Variants in DNAH5 observed in about 807,000 individuals in gnomAD.
DNAH5 encodes axonemal beta dynein heavy chain 5.
In DNAH5, 372 loss-of-function variants were observed where a neutral mutation model predicts 518.2. The ratio of observed to expected loss-of-function variants is 0.72; its 90% confidence interval spans 0.66 to 0.78. The LOEUF (loss-of-function observed/expected upper bound fraction) is 0.78, where lower values mean the gene tolerates loss of function less well. Among genes scored for constraint, DNAH5 ranks in the 30% least tolerant of loss-of-function variants. The pLI, the probability that DNAH5 is intolerant of heterozygous loss-of-function variation, is 0.00. For synonymous variants in DNAH5, 2,039 were observed against 2,025.9 expected, an observed-to-expected ratio of 1.01 and a Z score of -0.17; for missense variants, 5,523 against 5,687.0, an observed-to-expected ratio of 0.97 and a Z score of 0.93.
intron 1 of DNAH5, among the ~76,000 whole-genome samples, chr5:13,988,648 C>T (rs1783239835): frequency 6.6e-6 from 1 of 151,692 alleles, no homozygotes; most frequent in Non-Finnish European, 1.5e-5. Flanking sequence ...AAACTCCTGA[C>T]CTCAAGTGAT....
rs764262032 is a variant in DNAH5, at chr5:13,862,715, GTCTC to G, written c.4625_4628del (p.Arg1542ThrfsTer6). On this transcript the variant is annotated frameshift_variant, in exon 29 of 79. Transcript: ENST00000265104. LOFTEE classifies it high-confidence loss of function. ...TCACTTGCTTCAGCTTTTGCTCAAT[GTCTC>G]TCTCTTTCACCGCACTGATACAGAT... The G allele has an allele frequency of 1.9e-6, 3 of 1,613,834 alleles. No homozygotes were observed.
intron 31 of DNAH5, among the ~76,000 whole-genome samples, chr5:13,849,707 C>T (rs1344651239): frequency 1.3e-5 from 2 of 152,064 alleles, no homozygotes; most frequent in Admixed American, 1.3e-4. Context: ...TTCCAGCAGC[C>T]GTCTCAAATT....
chr5:13,830,922 C>T (rs1364354895), intron 35 of DNAH5, 147 bp from the exon 36 acceptor site: 6 of 747,138 alleles, frequency 8.0e-6, no homozygotes, highest in Non-Finnish European at 1.4e-5. Flanking sequence ...TCCTAAAACA[C>T]ACTTATCCTT....
chr5:13,783,124 G>C (rs925610632), intron 52 of DNAH5, among the ~76,000 whole-genome samples: 1 of 152,164 alleles, frequency 6.6e-6, no homozygotes, highest in Non-Finnish European at 1.5e-5. Flanking sequence ...TGGATGACTA[G>C]AAGTACATCA....
At chr5:13,955,694 G>A (rs1481990762) in intron 1 of DNAH5, among the ~76,000 whole-genome samples, 1 of 151,872 alleles carries the variant, frequency 6.6e-6, no homozygotes, top group East Asian at 1.9e-4. Flanking sequence ...ATCCTCATTT[G>A]GGAATTACTT....
chr5:13,923,634 G>A (rs1777540223), intron 3 of DNAH5, among the ~76,000 whole-genome samples, 194 bp from the exon 4 acceptor site: 1 of 152,156 alleles, frequency 6.6e-6, no homozygotes, highest in South Asian at 2.1e-4. Flanking sequence ...CCAGATCATA[G>A]GTTCACTTCA....
At position 13,900,367 on chromosome 5, in the gene DNAH5, C is replaced by G. The variant is rs776296737; in HGVS notation, c.2098G>C (p.Ala700Pro). Residue 700 changes from alanine to proline, a missense_variant, in exon 15 of 79, where the codon GCT (alanine) becomes CCT (proline). Physicochemically the swap from Ala to Pro is conservative, Grantham distance 27. This residue lies in a region of DNAH5 where 5,121 missense variants were observed against 5,223.3 expected (regional missense o/e 0.98). Transcript: ENST00000265104. ...VGLEASLLVK[A>P]PGTGELFVNF... is the part of the protein sequence containing the mutation. ...ACAAACAATTCCCCTGTGCCTGGAG[C>G]CTTCACCAATAATGAAGCCTCAAGA... The G allele has an allele frequency of 1.9e-6, 3 of 1,614,124 alleles. No homozygotes were observed. Among genetic ancestry groups the G allele is most frequent in the Middle Eastern group, 1.6e-4 (1 of 6,062 alleles).
Position 13,735,926 on chromosome 5 carries a change from G to C in DNAH5, c.11462C>G (p.Thr3821Arg), listed in dbSNP as rs374858945. 3.1e-6 allele frequency: 5 copies of C among 1,613,246 alleles called. No homozygotes were observed. Among genetic ancestry groups the C allele is most frequent in the Non-Finnish European group, 4.2e-6 (5 of 1,179,500 alleles). Residue 3821 changes from threonine to arginine, a missense_variant, in exon 67 of 79, where the codon ACG (threonine) becomes AGG (arginine). This residue lies in a region of DNAH5 where 5,121 missense variants were observed against 5,223.3 expected (regional missense o/e 0.98). Coordinates refer to ENST00000265104, the MANE Select transcript of DNAH5 (RefSeq NM_001369.3). Reference sequence around the variant, plus strand: ...GAGGAAGTAGAGGATGCTGCCCCGCGTAGCCACTGGAAGACAAAGAGCAAG... The same window carrying C: ...GAGGAAGTAGAGGATGCTGCCCCGCCTAGCCACTGGAAGACAAAGAGCAAG... ...SAREEYRPVA[T>R]RGSILYFLIT...
At chr5:13,842,469 AAGAAAGAAAGAAAG>A (rs1281457958) in intron 32 of DNAH5, among the ~76,000 whole-genome samples, 2 of 119,008 alleles carry the variant, frequency 1.7e-5, no homozygotes, top group African/African-American at 7.0e-5. Context: ...GAAAGAAAGA[AAGAAAGAAAGAAAG>A]AGAAAGAAAA....
chr5:13,806,701 TC>T (rs1234670898), intron 47 of DNAH5, among the ~76,000 whole-genome samples: 2 of 152,184 alleles, frequency 1.3e-5, no homozygotes, highest in Admixed American at 6.5e-5. Context: ...ATTTAGGATT[TC>T]CTCCTCAGTT....
At chr5:13,749,044 G>A (rs372531563) in intron 65 of DNAH5, among the ~76,000 whole-genome samples, 10 of 151,900 alleles carry the variant, frequency 6.6e-5, no homozygotes, top group African/African-American at 2.4e-4. Flanking sequence ...AGTGTTAGCA[G>A]ATTCAGGAAT....
rs1580909729 is a variant in DNAH5, at chr5:13,923,373, C to A, written c.345G>T (p.Val115=). 6.2e-7 allele frequency: 1 copy of A among 1,614,156 alleles called. No homozygotes were observed. Among genetic ancestry groups the A allele is most frequent in the East Asian group, 2.2e-5 (1 of 44,878 alleles). ...TAAGAGCCACATCGTTTCCCTCGGTCACGAACACCTTAGGTTTTTTAATCT... is the reference window on the plus strand; with the variant it reads ...TAAGAGCCACATCGTTTCCCTCGGTAACGAACACCTTAGGTTTTTTAATCT... ...SGKIKKPKVF[V]TEGNDVALTG... is the part of the protein sequence containing the mutation. The change falls in exon 4 of 79, where the codon GTG becomes GTT. Residue 115 remains valine (V), a synonymous_variant. Coordinates refer to ENST00000265104, the MANE Select transcript of DNAH5 (RefSeq NM_001369.3).
Position 13,727,648 on chromosome 5 carries a change from T to C in DNAH5, c.11892A>G (p.Arg3964=). 6.2e-7 allele frequency: 1 copy of C among 1,613,754 alleles called. No individual in the cohort carries two copies. The highest frequency in any genetic ancestry group is 1.3e-5 in the African/African-American group (1 of 75,030). ...ACCAAATTTTCCACATTTTCTCATTTCTCGATATCTGAAAATACCATGGGA... is the reference window on the plus strand; with the variant it reads ...ACCAAATTTTCCACATTTTCTCATTCCTCGATATCTGAAAATACCATGGGA... ...QFSDVLDQIS[R]NEKMWKIWFD... Residue 3964 remains arginine, a synonymous_variant, in exon 70 of 79, where the codon AGA becomes AGG. Transcript: ENST00000265104.
intron 31 of DNAH5, 66 bp downstream of exon 31, chr5:13,850,586 A>G: frequency 6.8e-7 from 1 of 1,465,888 alleles, no homozygotes; most frequent in Non-Finnish European, 9.6e-7. Flanking sequence ...GGCTAATGCT[A>G]TCTAGTCTCC....
At position 13,733,622 on chromosome 5, in the gene DNAH5, A is replaced by AAG. The variant is rs563877361; in HGVS notation, c.11761+1507_11761+1508dup. Among the ~76,000 whole-genome samples the AAG allele has an allele frequency of 2.2e-3, 341 of 152,344 alleles. 1 individual carries two copies. The highest frequency in any genetic ancestry group is 6.9e-3 in the African/African-American group (288 of 41,576). On this transcript the variant is annotated intron_variant, in intron 68 of 78. Transcript: ENST00000265104. Reference sequence around the variant, plus strand: ...AGTGTTTAATGGTTAGACACAATTAAAGAGAGAGAGATTGTCTATAATTTA... The same window carrying AAG: ...AGTGTTTAATGGTTAGACACAATTAAAGAGAGAGAGAGATTGTCTATAATTTA...
In DNAH5 at chr5:13,701,286, G is replaced by C. The variant is rs751897438; in HGVS notation, c.13489C>G (p.Gln4497Glu). The C allele has an allele frequency of 1.2e-6, 2 of 1,613,964 alleles. No homozygotes were observed. The highest frequency in any genetic ancestry group is 1.7e-6 in the Non-Finnish European group (2 of 1,179,948). Residue 4497 changes from glutamine (Q) to glutamate (E), a missense_variant and splice_region_variant, in exon 77 of 79, where the codon CAG (glutamine) becomes GAG (glutamate). By Grantham distance (29) the Gln-to-Glu change is conservative (BLOSUM62 2). This residue lies in a region of DNAH5 where 387 missense variants were observed against 430.0 expected (regional missense o/e 0.90). Coordinates refer to ENST00000265104, the MANE Select transcript of DNAH5 (RefSeq NM_001369.3). Reference protein sequence around the residue: ...NPQGFLTAMRQEITRANKGWA... With the variant: ...NPQGFLTAMREEITRANKGWA... ...CGGGTGCAAATCAGAGCTCTTACCT[G>C]TCGCATTGCAGTTAAAAATCCCTGG...
In DNAH5 at chr5:13,913,770, C is replaced by G. The variant is rs745901461; in HGVS notation, c.1509G>C (p.Gly503=). 1 of 1,613,494 alleles carries G rather than the reference C, an allele frequency of 6.2e-7. No individual in the cohort carries two copies. The highest frequency in any genetic ancestry group is 1.7e-4 in the Middle Eastern group (1 of 6,060). The change falls in exon 11 of 79, where the codon GGG becomes GGC. Residue 503 remains glycine, a synonymous_variant. Transcript: ENST00000265104. ...GGTATTTAGTGGCCATGTCTTCCAGCCCTTCAATTGTGGAATCTTGCAGGA... is the reference window on the plus strand; with the variant it reads ...GGTATTTAGTGGCCATGTCTTCCAGGCCTTCAATTGTGGAATCTTGCAGGA... ...YSVLQDSTIE[G]LEDMATKYQG...
At chr5:13,758,235 G>A (rs1502042) in intron 61 of DNAH5, among the ~76,000 whole-genome samples, 47,115 of 151,974 alleles carry the variant, frequency 0.31, 7,836 homozygotes, top group South Asian at 0.44. Context: ...AGGGTGCCTT[G>A]GCTCACACCT....
intron 2 of DNAH5, among the ~76,000 whole-genome samples, chr5:13,928,918 G>A (rs904907602): frequency 9.2e-5 from 14 of 152,212 alleles, no homozygotes; most frequent in African/African-American, 3.1e-4. Flanking sequence ...TGGAGCCGTT[G>A]TGGAAAACAG....
Sources: allele counts gnomAD v4.1 joint callset (sites outside exome capture counted in the v4.1 genomes callset), GRCh38; gene constraint gnomAD v4.1.1; regional missense constraint gnomAD v4.1.1; transcripts MANE v1.5; gene names NCBI Gene and HGNC (gene_info 2026-07-23, HGNC 2026-07-21).